Variants in SPTBN5 observed in about 807,000 individuals in gnomAD.
The protein encoded by SPTBN5 is spectrin beta chain, non-erythrocytic 5.
In SPTBN5, 513 loss-of-function variants were observed where a neutral mutation model predicts 477.6. The observed-to-expected ratio is 1.07, with a 90% confidence interval of 1.00 to 1.16. SPTBN5 has a LOEUF of 1.16. Among genes scored for constraint, SPTBN5 ranks in the 50% most tolerant of loss-of-function variants. The probability of loss-of-function intolerance (pLI) is 0.00; values close to 1 mark genes in which losing one functional copy is unlikely to be tolerated. For missense variants in SPTBN5, 5,062 were observed against 4,731.8 expected, an observed-to-expected ratio of 1.07 and a Z score of -2.05; for synonymous variants, 2,169 against 2,011.7, an observed-to-expected ratio of 1.08 and a Z score of -2.09.
chr15:41,854,743 C>T (rs777895866), intron 56 of SPTBN5, 39 bp downstream of exon 56: 1 of 1,465,466 alleles, frequency 6.8e-7, no homozygotes, highest in East Asian at 2.5e-5. Context: ...TTTGAAGACT[C>T]TGACACCCCT....
intron 17 of SPTBN5, 114 bp downstream of exon 17, chr15:41,878,228 G>T: frequency 7.7e-7 from 1 of 1,298,560 alleles, no homozygotes; most frequent in Non-Finnish European, 1.0e-6. Flanking sequence ...ACCAGTCTGG[G>T]CCCCTCCCTG....
At position 41,883,505 on chromosome 15, in the gene SPTBN5, A is replaced by C. The variant is rs373666968; in HGVS notation, c.1521-19T>G. The C allele has an allele frequency of 1.9e-6, 3 of 1,611,468 alleles. No homozygotes were observed. In the African/African-American group the frequency reaches 4.0e-5, roughly 22 times the overall value. ...CTCCTGCCTAGAGGATATGAGAATA[A>C]GGGAGATCTCCTCTGGGTTGGGGCA... On this transcript the variant is annotated intron_variant, in intron 7 of 67. Transcript: ENST00000320955.
In SPTBN5 at chr15:41,852,762, C is replaced by A. The variant is rs372030049; in HGVS notation, c.10348-27G>T. On this transcript the variant is annotated intron_variant, in intron 60 of 67. Transcript: ENST00000320955. ...TGGGGAGAAGCATGTTCAGGTGACGCCCAGCTTGGGGGGGGGGGCCCAGAG... is the reference window on the plus strand; with the variant it reads ...TGGGGAGAAGCATGTTCAGGTGACGACCAGCTTGGGGGGGGGGGCCCAGAG... 3.2e-6 allele frequency: 5 copies of A among 1,581,874 alleles called. No homozygotes were observed. In the Admixed American group the frequency reaches 8.5e-5, roughly 27 times the overall value.
intron 66 of SPTBN5, 184 bp downstream of exon 66, chr15:41,850,670 C>A (rs749551172): frequency 8.3e-6 from 5 of 604,866 alleles, no homozygotes; most frequent in Non-Finnish European, 1.4e-5. Flanking sequence ...GCTGTGTGAT[C>A]TTGGGCAAGT....
rs1381198751 is a variant in SPTBN5, at chr15:41,880,234, C to G, written c.2737G>C (p.Glu913Gln). Reference protein sequence around the residue: ...SSCGELQLWLEKQTVLLQRVQ... With the variant: ...SSCGELQLWLQKQTVLLQRVQ... ...CTTTGGAGCAGCACTGTCTGCTTCT[C>G]CAGCCACAACTGGAGCTCCCCACAG... Residue 913 changes from glutamate (E) to glutamine (Q), a missense_variant, in exon 14 of 68, where the codon GAG becomes CAG. Transcript: ENST00000320955. The G allele has an allele frequency of 6.2e-7, 1 of 1,606,106 alleles. No homozygotes were observed. The highest frequency in any genetic ancestry group is 1.1e-5 in the South Asian group (1 of 89,480).
intron 23 of SPTBN5, 127 bp from the exon 24 acceptor site, chr15:41,874,605 C>A: frequency 1.1e-6 from 1 of 929,564 alleles, no homozygotes; most frequent in Non-Finnish European, 1.6e-6. Flanking sequence ...CCTCATCTGA[C>A]AAAGGGAGGC....
intron 26 of SPTBN5, among the ~76,000 whole-genome samples, chr15:41,873,271 C>T (rs1212350783): frequency 6.6e-6 from 1 of 152,070 alleles, no homozygotes; most frequent in Admixed American, 6.5e-5. Flanking sequence ...AGGCAAGACT[C>T]GTAAGAAGAT....
intron 46 of SPTBN5, 31 bp downstream of exon 46, chr15:41,861,388 C>T: frequency 6.3e-7 from 1 of 1,585,620 alleles, no homozygotes; most frequent in Non-Finnish European, 8.7e-7. Context: ...TGGTAATTCC[C>T]CCCTCCTGCC....
rs537960638 is a variant in SPTBN5, at chr15:41,866,449, C to T, written c.6525G>A (p.Pro2175=). ...IQAWAQQLKE[P]VPPGDLRDKL... is the part of the protein sequence containing the mutation. ...TATCTCTCAGGTCCCCAGGAGGGACCGGCTCCTTCAGCTGCTGGGCCCACG... is the reference window on the plus strand; with the variant it reads ...TATCTCTCAGGTCCCCAGGAGGGACTGGCTCCTTCAGCTGCTGGGCCCACG... Residue 2175 remains proline, a synonymous_variant, in exon 37 of 68, where the codon CCG becomes CCA. Transcript: ENST00000320955. 59 of 1,599,858 alleles carry T rather than the reference C, an allele frequency of 3.7e-5. No individual in the cohort carries two copies. The East Asian group carries it at 7.2e-4, about 19-fold the overall frequency.
chr15:41,877,915 CAGG>C (rs973573370), intron 17 of SPTBN5, among the ~76,000 whole-genome samples: 4 of 152,168 alleles, frequency 2.6e-5, no homozygotes, highest in African/African-American at 7.2e-5. Context: ...GTCATCCCTG[CAGG>C]AGGAGAGGCG....
rs772160600 is a variant in SPTBN5 at position 41,879,894 on chromosome 15, G to A, written c.2812-30C>T. 7 of 1,612,846 alleles carry A rather than the reference G, an allele frequency of 4.3e-6. No individual in the cohort carries two copies. The South Asian group carries it at 7.7e-5, about 18-fold the overall frequency. On this transcript the variant is annotated intron_variant, in intron 14 of 67. Transcript: ENST00000320955. Reference sequence around the variant, plus strand: ...GGAAAAGGAGGACCCAGCCCTCTTGGGGGACTTTTTCTCTTTCCACACTCC... The same window carrying A: ...GGAAAAGGAGGACCCAGCCCTCTTGAGGGACTTTTTCTCTTTCCACACTCC...
Position 41,854,821 on chromosome 15 carries a change from A to G in SPTBN5, c.9579T>C (p.Ala3193=). 2 of 1,583,956 alleles carry G rather than the reference A, an allele frequency of 1.3e-6. No homozygotes were observed. Among genetic ancestry groups the G allele is most frequent in the East Asian group, 4.5e-5 (2 of 44,104 alleles). Residue 3193 remains alanine, a synonymous_variant, in exon 56 of 68, where the codon GCT becomes GCC. Transcript: ENST00000320955. ...IQAQRSRIEA[A]WERLDQAIKA... ...TTATTGCTTGGTCCAACCTCTCCCA[A>G]GCAGCCTCAATGCGGCTCCTCTGGG...
chr15:41,873,711 GC>G, intron 25 of SPTBN5, 103 bp from the exon 26 acceptor site: 1 of 1,449,748 alleles, frequency 6.9e-7, no homozygotes, highest in Non-Finnish European at 9.4e-7. Context: ...GGGCTTCTGT[GC>G]CCATAGGGGC....
chr15:41,888,181 T>C, intron 4 of SPTBN5, 96 bp from the exon 5 acceptor site: 1 of 1,284,196 alleles, frequency 7.8e-7, no homozygotes, highest in South Asian at 1.4e-5. Flanking sequence ...CACAGCAGGA[T>C]CCTGCTCCTC....
chr15:41,891,722 C>G (rs1007308697), intron 3 of SPTBN5, among the ~76,000 whole-genome samples: 1 of 152,180 alleles, frequency 6.6e-6, no homozygotes, highest in South Asian at 2.1e-4. Context: ...CTTAGTGGAG[C>G]CCAGCGCCTG....
Position 41,874,275 on chromosome 15 carries a change from A to G in SPTBN5, c.4689+17T>C. 1 of 1,597,120 alleles carries G rather than the reference A, an allele frequency of 6.3e-7. No homozygotes were observed. The highest frequency in any genetic ancestry group is 8.5e-7 in the Non-Finnish European group (1 of 1,170,192). ...AAGCGGATGTCGGTAATCCTGTAGGAAGAAGAGGGCTATTACCTTGTGCTT... is the reference window on the plus strand; with the variant it reads ...AAGCGGATGTCGGTAATCCTGTAGGGAGAAGAGGGCTATTACCTTGTGCTT... On this transcript the variant is annotated intron_variant, in intron 24 of 67. Transcript: ENST00000320955.
At chr15:41,866,294 C>T (rs777905269) in intron 37 of SPTBN5, 50 bp downstream of exon 37, 4 of 1,571,582 alleles carry the variant, frequency 2.5e-6, no homozygotes, top group African/African-American at 2.7e-5. Context: ...CTGACATTGC[C>T]CCTGGGCCAC....
Position 41,860,738 on chromosome 15 carries a change from C to G in SPTBN5, c.7836G>C (p.Glu2612Asp), listed in dbSNP as rs2066077114. The G allele has an allele frequency of 1.3e-6, 2 of 1,596,118 alleles. No homozygotes were observed. ...EGLWDPLAPM[E>D]PLLWKHKMLE... is the part of the protein sequence containing the mutation. ...GCATCTTGTGCTTCCACAGAAGGGG[C>G]TCCATGGGGGCCAAGGGGTCCTGGT... Residue 2612 changes from glutamate to aspartate, a missense_variant, in exon 47 of 68, where the codon GAG becomes GAC. Glu to Asp is a conservative substitution (Grantham distance 45). Transcript: ENST00000320955.
chr15:41,870,200 G>T (rs952588502), intron 31 of SPTBN5, 43 bp downstream of exon 31: 1 of 1,527,966 alleles, frequency 6.5e-7, no homozygotes, highest in Admixed American at 2.0e-5. Context: ...AGCCTGAGGG[G>T]GCTGCAGGGG....
Sources: gnomAD v4.1 joint callset for allele counts (sites outside exome capture counted in the v4.1 genomes callset) on GRCh38, gnomAD v4.1.1 for gene constraint, MANE v1.5 for transcripts, NCBI Gene and HGNC (gene_info 2026-07-23, HGNC 2026-07-21) for gene names.